Variants in PPP2R5D observed in about 807,000 individuals in gnomAD.
PPP2R5D encodes the protein serine/threonine-protein phosphatase 2A 56 kDa regulatory subunit delta isoform.
A neutral mutation model predicts 79.1 loss-of-function variants in PPP2R5D; 12 were observed. The observed-to-expected ratio is 0.15, with a 90% CI of 0.10 to 0.25. The LOEUF (loss-of-function observed/expected upper bound fraction) is 0.25, where lower values mean the gene tolerates loss of function less well. Among genes scored for constraint, PPP2R5D ranks in the 10% least tolerant of loss-of-function variants. PPP2R5D has a pLI of 1.00. For missense variants in PPP2R5D, 419 were observed against 760.2 expected (o/e 0.55, Z 5.28); for synonymous variants, 277 against 286.6 (o/e 0.97, Z 0.34).
intron 2 of PPP2R5D, among the ~76,000 whole-genome samples, chr6:42,996,180 G>GA (rs1403132172): frequency 2.1e-5 from 3 of 145,496 alleles, no homozygotes; most frequent in Non-Finnish European, 4.5e-5. Flanking sequence ...AGCCAAAAAA[G>GA]GGGCCAGGCG....
At position 43,009,360 on chromosome 6, in the gene PPP2R5D, C is replaced by A; in HGVS notation, c.1290C>A (p.Tyr430Ter). 6.2e-7 allele frequency: 1 copy of A among 1,614,098 alleles called. No individual in the cohort carries two copies. Among genetic ancestry groups the A allele is most frequent in the Non-Finnish European group, 8.5e-7 (1 of 1,180,020 alleles). The change falls in exon 12 of 16, where the codon TAC (tyrosine) becomes TAA (stop). Residue 430 changes from tyrosine to a stop codon, truncating the protein, a stop_gained. Coordinates refer to ENST00000485511, the MANE Select transcript of PPP2R5D (RefSeq NM_006245.4). LOFTEE classifies it high-confidence loss of function. The surrounding 1 kb of genome is among the most constrained non-coding windows in gnomAD (Gnocchi z 5.6). ...ERALYYWNNE[Y>*]IMSLISDNAA... ...CTCTCTATTACTGGAACAATGAGTA[C>A]ATCATGAGCCTGATAAGTGACAATG...
At position 42,989,701 on chromosome 6, in the gene PPP2R5D, G is replaced by C; in HGVS notation, c.105+13G>C. The C allele has an allele frequency of 6.2e-7, 1 of 1,610,414 alleles. No homozygotes were observed. The highest frequency in any genetic ancestry group is 8.5e-7 in the Non-Finnish European group (1 of 1,177,322). On this transcript the variant is annotated intron_variant, in intron 2 of 15. Coordinates refer to ENST00000485511, the MANE Select transcript of PPP2R5D (RefSeq NM_006245.4). The stretch of plus-strand genomic sequence containing the variant: ...GAACACTGAGGAGGTAATGAATGTA[G>C]GCGTAGCCTTAGATGTGGTGCAGGT...
Position 43,007,438 on chromosome 6 carries a change from T to C in PPP2R5D, c.658T>C (p.Phe220Leu), listed in dbSNP as rs757744141. The change falls in exon 6 of 16, where the codon TTC becomes CTC. Residue 220 changes from phenylalanine (F) to leucine (L), a missense_variant. Physicochemically the swap from Phe to Leu is conservative, Grantham distance 22. This residue lies in a region of PPP2R5D where 196 missense variants were observed against 424.5 expected (regional missense o/e 0.46). Transcript: ENST00000485511. The surrounding 1 kb of genome is among the most constrained non-coding windows in gnomAD (Gnocchi z 4.5). ...GCTCGTGTATGAGTTCTTCTTACGTTTCCTTGAGTCTCCTGATTTCCAGCC... is the reference window on the plus strand; with the variant it reads ...GCTCGTGTATGAGTTCTTCTTACGTCTCCTTGAGTCTCCTGATTTCCAGCC... ...LQLVYEFFLR[F>L]LESPDFQPNI... 1 of 1,613,672 alleles carries C rather than the reference T, an allele frequency of 6.2e-7. No homozygotes were observed. Among genetic ancestry groups the C allele is most frequent in the Non-Finnish European group, 8.5e-7 (1 of 1,179,550 alleles).
chr6:42,994,081 C>T (rs1771463234), intron 2 of PPP2R5D, among the ~76,000 whole-genome samples: 1 of 152,096 alleles, frequency 6.6e-6, no homozygotes, highest in African/African-American at 2.4e-5. Context: ...CCGAGGAGGG[C>T]AGACCACCTG....
rs1762103895 is a variant in PPP2R5D at position 43,006,735 on chromosome 6, TTGG to T, written c.322+60_322+62del. ...TACCAGTTCTAGTGGGCATCGGGAG[TTGG>T]TGGAATGGAAGTTTTGGGGTATTTT... On this transcript the variant is annotated intron_variant, in intron 3 of 15. Coordinates refer to ENST00000485511, the MANE Select transcript of PPP2R5D (RefSeq NM_006245.4). The surrounding 1 kb of genome is among the most constrained non-coding windows in gnomAD (Gnocchi z 4.7). 1.9e-6 allele frequency: 3 copies of T among 1,589,024 alleles called. No homozygotes were observed. Among genetic ancestry groups the T allele is most frequent in the Non-Finnish European group, 2.6e-6 (3 of 1,165,038 alleles).
intron 1 of PPP2R5D, among the ~76,000 whole-genome samples, chr6:42,986,403 C>G (rs1049916542): frequency 6.6e-6 from 1 of 152,062 alleles, no homozygotes; most frequent in Non-Finnish European, 1.5e-5. Flanking sequence ...GGGCTGCCAT[C>G]TCTGACCTTT....
chr6:43,002,328 T>C (rs934336955), intron 2 of PPP2R5D, among the ~76,000 whole-genome samples: 1 of 152,112 alleles, frequency 6.6e-6, no homozygotes, highest in African/African-American at 2.4e-5. Flanking sequence ...CACGCCCAGC[T>C]AATTTTTTGT....
intron 2 of PPP2R5D, among the ~76,000 whole-genome samples, chr6:42,996,155 T>C (rs1432070241): frequency 1.5e-5 from 2 of 137,276 alleles, no homozygotes; most frequent in Non-Finnish European, 3.0e-5. Context: ...TTTAAACTCA[T>C]GTTTATTTTT....
chr6:43,008,886 A>G lies in PPP2R5D; in HGVS notation c.1080+140A>G. The G allele has an allele frequency of 4.7e-6, 6 of 1,267,606 alleles. No individual in the cohort carries two copies. The highest frequency in any genetic ancestry group is 6.6e-6 in the Non-Finnish European group (6 of 903,132). 78.5% of individuals were successfully genotyped at this position (1,267,606 alleles called of 1,614,324 possible). A position where few individuals can be genotyped will look rare whatever the true frequency, so the allele number is the denominator to read the frequency against. ...AACATGGTTTCCTCTCTGAAGGGGA[A>G]GCAAAACCTATATACACCTAGGAAA... On this transcript the variant is annotated intron_variant, in intron 10 of 15. Coordinates refer to ENST00000485511, the MANE Select transcript of PPP2R5D (RefSeq NM_006245.4). The surrounding 1 kb of genome is among the most constrained non-coding windows in gnomAD (Gnocchi z 4.2).
At chr6:42,988,164 C>T (rs1288506571) in intron 1 of PPP2R5D, among the ~76,000 whole-genome samples, 2 of 152,202 alleles carry the variant, frequency 1.3e-5, no homozygotes, top group Non-Finnish European at 2.9e-5. Flanking sequence ...GCTCTCTTCT[C>T]CCTGAAATCC....
chr6:43,008,458 A>C lies in PPP2R5D; in HGVS notation c.1009A>C (p.Ser337Arg). Reference sequence around the variant, plus strand: ...TCCCCTTCACAAGGTCAAGTCCCTGAGTGTCTACCACCCTCAGGTGAGCTG... The same window carrying C: ...TCCCCTTCACAAGGTCAAGTCCCTGCGTGTCTACCACCCTCAGGTGAGCTG... ...LLPLHKVKSL[S>R]VYHPQLAYCV... is the part of the protein sequence containing the mutation. The change falls in exon 9 of 16, where the codon AGT becomes CGT. Residue 337 changes from serine to arginine, a missense_variant. Coordinates refer to ENST00000485511, the MANE Select transcript of PPP2R5D (RefSeq NM_006245.4). This position sits in a 1 kb window ranked among gnomAD's most constrained non-coding sequence, Gnocchi z 4.2. 1 of 1,612,136 alleles carries C rather than the reference A, an allele frequency of 6.2e-7. No individual in the cohort carries two copies. Among genetic ancestry groups the C allele is most frequent in the Non-Finnish European group, 8.5e-7 (1 of 1,178,188 alleles).
Position 43,008,647 on chromosome 6 carries a change from T to G in PPP2R5D, c.1027-46T>G. On this transcript the variant is annotated intron_variant, in intron 9 of 15. Coordinates refer to ENST00000485511, the MANE Select transcript of PPP2R5D (RefSeq NM_006245.4). The surrounding 1 kb of genome is among the most constrained non-coding windows in gnomAD (Gnocchi z 4.2). ...TTCTATCACTGACTTCTCTGAGAGC[T>G]TCTAGGACCTACACCTCACCTCCCT... 1 of 1,592,700 alleles carries G rather than the reference T, an allele frequency of 6.3e-7. No homozygotes were observed. Among genetic ancestry groups the G allele is most frequent in the Middle Eastern group, 1.7e-4 (1 of 6,022 alleles).
intron 1 of PPP2R5D, among the ~76,000 whole-genome samples, chr6:42,989,117 C>T (rs139678883): frequency 1.3e-5 from 2 of 152,208 alleles, no homozygotes; most frequent in African/African-American, 4.8e-5. Context: ...GAGTAGCACC[C>T]TCTTGTCTGT....
At chr6:42,987,461 G>A (rs1770937401) in intron 1 of PPP2R5D, among the ~76,000 whole-genome samples, 1 of 151,984 alleles carries the variant, frequency 6.6e-6, no homozygotes, top group South Asian at 2.1e-4. Flanking sequence ...GTTTTCATGT[G>A]CCTTAACACT....
intron 2 of PPP2R5D, among the ~76,000 whole-genome samples, chr6:42,994,647 A>G (rs1205502624): frequency 6.6e-6 from 1 of 151,940 alleles, no homozygotes; most frequent in Non-Finnish European, 1.5e-5. Flanking sequence ...TCTACTAATA[A>G]TACAAAAATT....
At chr6:42,985,973 C>T (rs961191430) in intron 1 of PPP2R5D, among the ~76,000 whole-genome samples, 12 of 152,102 alleles carry the variant, frequency 7.9e-5, no homozygotes, top group Non-Finnish European at 1.0e-4. Flanking sequence ...GACGGGGTTT[C>T]TCCATGTTGA....
At chr6:42,989,940 G>A (rs918313770) in intron 2 of PPP2R5D, among the ~76,000 whole-genome samples, 1 of 152,216 alleles carries the variant, frequency 6.6e-6, no homozygotes, top group African/African-American at 2.4e-5. Context: ...TACCAACTTG[G>A]AATGTTGAGA....
At chr6:42,990,341 A>G (rs1480722058) in intron 2 of PPP2R5D, among the ~76,000 whole-genome samples, 2 of 152,206 alleles carry the variant, frequency 1.3e-5, no homozygotes, top group African/African-American at 4.8e-5. Context: ...GCGAGCATCC[A>G]CCACATCCTA....
Position 43,010,941 on chromosome 6 carries a change from C to G in PPP2R5D, c.1615C>G (p.Pro539Ala), listed in dbSNP as rs1762323622. Reference sequence around the variant, plus strand: ...TGTGTACTCGATGGAGACAGAGACCCCCACAGCTGAGGACATCCAGCTTCT... The same window carrying G: ...TGTGTACTCGATGGAGACAGAGACCGCCACAGCTGAGGACATCCAGCTTCT... ...PPVYSMETETPTAEDIQLLKR... is the reference protein window; with the variant it reads ...PPVYSMETETATAEDIQLLKR... Residue 539 changes from proline to alanine, a missense_variant, in exon 15 of 16, where the codon CCC becomes GCC. Pro to Ala is a conservative substitution (Grantham distance 27). Transcript: ENST00000485511. This position sits in a 1 kb window ranked among gnomAD's most constrained non-coding sequence, Gnocchi z 4.7. 2 of 1,614,044 alleles carry G rather than the reference C, an allele frequency of 1.2e-6. 1 individual carries two copies. Among genetic ancestry groups the G allele is most frequent in the Admixed American group, 3.3e-5 (2 of 60,006 alleles).
Sources: gnomAD v4.1 joint callset for allele counts (sites outside exome capture counted in the v4.1 genomes callset) on GRCh38, gnomAD v4.1.1 for gene constraint, gnomAD v4.1.1 regional missense constraint, Gnocchi (gnomAD v3.1) non-coding constraint, MANE v1.5 for transcripts, NCBI Gene and HGNC (gene_info 2026-07-23, HGNC 2026-07-21) for gene names.